Variants in ZBTB20 observed in about 807,000 individuals in gnomAD.
The protein encoded by ZBTB20 is zinc finger and BTB domain-containing protein 20.
A neutral mutation model predicts 56.9 loss-of-function variants in ZBTB20; 9 were observed. That is an observed-to-expected ratio of 0.16 (90% confidence interval 0.10 to 0.28). The LOEUF (loss-of-function observed/expected upper bound fraction) is 0.28, where lower values mean the gene tolerates loss of function less well. Among genes scored for constraint, ZBTB20 ranks in the 10% least tolerant of loss-of-function variants. The probability of loss-of-function intolerance (pLI) is 1.00; values close to 1 mark genes in which losing one functional copy is unlikely to be tolerated. For missense variants in ZBTB20, 655 were observed against 1,003.0 expected (o/e 0.65, Z 4.69); for synonymous variants, 417 against 420.7 (o/e 0.99, Z 0.11).
chr3:114,903,559 A>G (rs1370913861), intron 3 of ZBTB20, among the ~76,000 whole-genome samples: 1 of 152,084 alleles, frequency 6.6e-6, no homozygotes, highest in Non-Finnish European at 1.5e-5. Context: ...CAACAATAGT[A>G]ATAGCCACAA....
At chr3:114,409,514 G>T (rs1478235520) in intron 7 of ZBTB20, among the ~76,000 whole-genome samples, 1 of 151,896 alleles carries the variant, frequency 6.6e-6, no homozygotes, top group Non-Finnish European at 1.5e-5. Flanking sequence ...GAAGGAAGGG[G>T]GTGGGGGACA....
intron 7 of ZBTB20, among the ~76,000 whole-genome samples, chr3:114,399,899 A>G (rs1022954758): frequency 6.6e-6 from 1 of 152,078 alleles, no homozygotes; most frequent in Non-Finnish European, 1.5e-5. Context: ...GTTAAAGATT[A>G]TGTGGTACTT....
chr3:114,928,479 G>A (rs2076239698), intron 3 of ZBTB20, among the ~76,000 whole-genome samples: 1 of 152,098 alleles, frequency 6.6e-6, no homozygotes, highest in South Asian at 2.1e-4. Context: ...CTTCAATGAT[G>A]GAAAGATTCT....
intron 6 of ZBTB20, among the ~76,000 whole-genome samples, chr3:114,668,648 T>A (rs2108143768): frequency 6.6e-6 from 1 of 152,176 alleles, no homozygotes; most frequent in South Asian, 2.1e-4. Context: ...ATATCAACTA[T>A]TAAACTATTT....
chr3:115,086,212 T>A (rs2082980259), intron 1 of ZBTB20, among the ~76,000 whole-genome samples: 2 of 151,856 alleles, frequency 1.3e-5, no homozygotes, highest in African/African-American at 2.4e-5. Context: ...TGCTTTTAGG[T>A]CACTGTCATT....
chr3:114,511,508 T>C (rs1256932297), intron 6 of ZBTB20, among the ~76,000 whole-genome samples: 1 of 152,166 alleles, frequency 6.6e-6, no homozygotes, highest in Non-Finnish European at 1.5e-5. Context: ...TGGTTCACCT[T>C]GGAAGGACTT....
chr3:115,034,079 A>G (rs2080815420), intron 2 of ZBTB20, among the ~76,000 whole-genome samples: 1 of 151,792 alleles, frequency 6.6e-6, no homozygotes, highest in Non-Finnish European at 1.5e-5. Flanking sequence ...AAAACTAAGA[A>G]TAAAAGTAAA....
intron 6 of ZBTB20, among the ~76,000 whole-genome samples, chr3:114,509,591 C>A (rs531492007): frequency 6.6e-6 from 1 of 152,250 alleles, no homozygotes; most frequent in Admixed American, 6.6e-5. Flanking sequence ...ACACATCATA[C>A]GTGCACACAC....
At chr3:114,766,211 G>A (rs937654866) in intron 5 of ZBTB20, among the ~76,000 whole-genome samples, 2 of 152,078 alleles carry the variant, frequency 1.3e-5, no homozygotes, top group African/African-American at 4.8e-5. Flanking sequence ...AAGAGTAAGA[G>A]AAGGTAGGGG....
intron 3 of ZBTB20, among the ~76,000 whole-genome samples, chr3:114,951,966 A>T (rs2077080565): frequency 6.6e-6 from 1 of 152,138 alleles, no homozygotes; most frequent in East Asian, 1.9e-4. Context: ...GGTTTCCAAC[A>T]AAATAAAGAT....
chr3:114,968,310 A>G (rs1258857162), intron 3 of ZBTB20, among the ~76,000 whole-genome samples: 3 of 152,234 alleles, frequency 2.0e-5, no homozygotes, highest in Non-Finnish European at 4.4e-5. Context: ...GTCAAACCTT[A>G]TAATTTACAG....
At chr3:114,780,470 T>C (rs2069996733) in intron 5 of ZBTB20, among the ~76,000 whole-genome samples, 1 of 152,206 alleles carries the variant, frequency 6.6e-6, no homozygotes, top group Non-Finnish European at 1.5e-5. Flanking sequence ...GCTTAAATAG[T>C]ACAAAGTTGG....
intron 6 of ZBTB20, among the ~76,000 whole-genome samples, chr3:114,567,290 T>G (rs2052888963): frequency 6.6e-6 from 1 of 152,172 alleles, no homozygotes; most frequent in Non-Finnish European, 1.5e-5. Flanking sequence ...TACAGGGTCC[T>G]CGGGAAAAAA....
intron 3 of ZBTB20, among the ~76,000 whole-genome samples, chr3:114,907,168 G>C (rs960146210): frequency 6.6e-6 from 1 of 151,138 alleles, no homozygotes; most frequent in Non-Finnish European, 1.5e-5. Flanking sequence ...AAGTATAAAA[G>C]GCAAATGTGT....
At chr3:115,110,800 C>A (rs967357283) in intron 1 of ZBTB20, among the ~76,000 whole-genome samples, 1 of 151,916 alleles carries the variant, frequency 6.6e-6, no homozygotes, top group Non-Finnish European at 1.5e-5. Flanking sequence ...ACCAGCCTGG[C>A]CAACATGGTA....
rs539502077 is a variant in ZBTB20, at chr3:115,016,410, T to C, written c.-506-41994A>G. ...CCCCATGGCTACATCCTGACTGGTA[T>C]TGTCAGATTTTCTTCTAGGGTTTTT... is the stretch of plus-strand genomic sequence containing the variant. On this transcript the variant is annotated intron_variant, in intron 2 of 11. Transcript: ENST00000675478. Among the ~76,000 whole-genome samples, 23 of 152,124 alleles carry C rather than the reference T, an allele frequency of 1.5e-4. No homozygotes were observed. The South Asian group carries it at 3.9e-3, about 26-fold the overall frequency.
chr3:114,624,672 G>A (rs2058548320), intron 6 of ZBTB20, among the ~76,000 whole-genome samples: 1 of 152,138 alleles, frequency 6.6e-6, no homozygotes, highest in African/African-American at 2.4e-5. Context: ...CCAGATCACT[G>A]CTGTACCATC....
At chr3:114,699,010 G>T (rs2063230843) in intron 5 of ZBTB20, among the ~76,000 whole-genome samples, 1 of 152,082 alleles carries the variant, frequency 6.6e-6, no homozygotes, top group South Asian at 2.1e-4. Flanking sequence ...AGAAATCTTA[G>T]GCTATATTGC....
intron 1 of ZBTB20, among the ~76,000 whole-genome samples, chr3:115,128,422 G>T (rs1159169762): frequency 1.3e-5 from 2 of 151,974 alleles, no homozygotes; most frequent in Non-Finnish European, 2.9e-5. Context: ...CCAACACTTT[G>T]GGAGGCTGAA....
Sources: gnomAD v4.1 joint callset for allele counts (sites outside exome capture counted in the v4.1 genomes callset) on GRCh38, gnomAD v4.1.1 for gene constraint, MANE v1.5 for transcripts, NCBI Gene and HGNC (gene_info 2026-07-23, HGNC 2026-07-21) for gene names.